The following TBC1D32 variants were observed in gnomAD, a reference collection of about 807,000 sequenced individuals.
TBC1D32 encodes the protein TBC1 domain family member 32, also known as protein broad-minded.
Under a neutral mutation model 170.3 loss-of-function variants are expected in TBC1D32, and 151 were observed. That is an observed-to-expected ratio of 0.89 (90% CI 0.78 to 1.01). The LOEUF is 1.01. TBC1D32 is among the 50% of genes least tolerant of loss of function. The probability of loss-of-function intolerance (pLI) is 0.00; values close to 1 mark genes in which losing one functional copy is unlikely to be tolerated. For synonymous variants in TBC1D32, 498 were observed against 488.0 expected, an observed-to-expected ratio of 1.02 and a Z score of -0.27; for missense variants, 1,464 against 1,457.1, an observed-to-expected ratio of 1.00 and a Z score of -0.08.
intron 26 of TBC1D32, among the ~76,000 whole-genome samples, chr6:121,121,914 G>C (rs114529716): frequency 1.4e-3 from 206 of 152,142 alleles, no homozygotes; most frequent in African/African-American, 4.7e-3. Context: ...TGATGGCTTA[G>C]TAATTTGTAT....
At chr6:121,113,807 T>C (rs9490121) in intron 27 of TBC1D32, among the ~76,000 whole-genome samples, 11,144 of 152,264 alleles carry the variant, frequency 0.073, 442 homozygotes, top group South Asian at 0.15. Flanking sequence ...CAAGCAAAGG[T>C]AGTGCTTTTG....
At position 121,310,781 on chromosome 6, in the gene TBC1D32, C is replaced by T. The variant is rs573022154; in HGVS notation, c.562G>A (p.Glu188Lys). The T allele has an allele frequency of 1.9e-6, 3 of 1,552,048 alleles. No individual in the cohort carries two copies. The highest frequency in any genetic ancestry group is 1.8e-6 in the Non-Finnish European group (2 of 1,141,634). Reference protein sequence around the residue: ...LDQLDPGQPKEVRYEALQTLC... With the variant: ...LDQLDPGQPKKVRYEALQTLC... The stretch of plus-strand genomic sequence containing the variant: ...TGACAGCTATCCTTGAAACTTACCT[C>T]TTTAGGTTGCCCAGGATCCAACTGG... Residue 188 changes from glutamate (E) to lysine (K), a missense_variant and splice_region_variant, in exon 4 of 32, where the codon GAG (glutamate) becomes AAG (lysine). Physicochemically the swap from Glu to Lys is moderately conservative, Grantham distance 56. This residue lies in a region of TBC1D32 where 1,363 missense variants were observed against 1,338.1 expected (regional missense o/e 1.02). Coordinates refer to ENST00000398212, the MANE Select transcript of TBC1D32 (RefSeq NM_152730.6).
intron 15 of TBC1D32, among the ~76,000 whole-genome samples, chr6:121,267,957 T>C (rs1316089403): frequency 1.3e-5 from 2 of 152,158 alleles, no homozygotes; most frequent in Non-Finnish European, 1.5e-5. Context: ...CAATATTTGC[T>C]GTTCTGCAGC....
intron 9 of TBC1D32, among the ~76,000 whole-genome samples, chr6:121,301,166 T>C (rs1806417051): frequency 6.6e-6 from 1 of 152,096 alleles, no homozygotes; most frequent in Non-Finnish European, 1.5e-5. Context: ...GAAATACCAT[T>C]TGACCCAGCA....
At chr6:121,285,686 C>A (rs1437632452) in intron 12 of TBC1D32, among the ~76,000 whole-genome samples, 2 of 152,172 alleles carry the variant, frequency 1.3e-5, no homozygotes, top group South Asian at 2.1e-4. Context: ...TGACAGACTG[C>A]CTCCTCAAGT....
chr6:121,316,069 G>GAAACA (rs1281353148), intron 3 of TBC1D32, among the ~76,000 whole-genome samples: 1 of 151,982 alleles, frequency 6.6e-6, no homozygotes, highest in East Asian at 1.9e-4. Context: ...CTCAAGAACT[G>GAAACA]AAACAAAACA....
At chr6:121,197,873 A>C (rs1790957952) in intron 22 of TBC1D32, among the ~76,000 whole-genome samples, 1 of 152,116 alleles carries the variant, frequency 6.6e-6, no homozygotes, top group South Asian at 2.1e-4. Flanking sequence ...CATTTGAGTC[A>C]GTGAGCTGAG....
chr6:121,307,657 C>T lies in TBC1D32; in HGVS notation c.690+319G>A, dbSNP rs536431459. On this transcript the variant is annotated intron_variant, in intron 5 of 31. Coordinates refer to ENST00000398212, the MANE Select transcript of TBC1D32 (RefSeq NM_152730.6). The stretch of plus-strand genomic sequence containing the variant: ...GGCGGATCACCTGAGGTCAGGAGTT[C>T]GAGACCAGCCCGGCCAACATGGTCA... Among the ~76,000 whole-genome samples, 33 of 152,162 alleles carry T rather than the reference C, an allele frequency of 2.2e-4. 2 individuals carry two copies. The South Asian group carries it at 6.0e-3, about 28-fold the overall frequency.
chr6:121,139,510 A>T (rs1209736674), intron 24 of TBC1D32, among the ~76,000 whole-genome samples: 2 of 152,228 alleles, frequency 1.3e-5, no homozygotes, highest in African/African-American at 4.8e-5. Flanking sequence ...GGCAGAAAGT[A>T]TCAGCAAGAA....
intron 27 of TBC1D32, among the ~76,000 whole-genome samples, chr6:121,113,591 T>C (rs1779411766): frequency 6.6e-6 from 1 of 152,144 alleles, no homozygotes. Flanking sequence ...CTATTTTTGA[T>C]TGTCATAGTG....
intron 1 of TBC1D32, among the ~76,000 whole-genome samples, chr6:121,330,937 G>T (rs1811137588): frequency 6.6e-6 from 1 of 152,172 alleles, no homozygotes. Flanking sequence ...AAAGGCAGGA[G>T]AGCTTGGATC....
At chr6:121,179,313 T>C (rs1562790230) in intron 22 of TBC1D32, among the ~76,000 whole-genome samples, 1 of 150,680 alleles carries the variant, frequency 6.6e-6, no homozygotes, top group Non-Finnish European at 1.5e-5. Flanking sequence ...TGTGTGTGTG[T>C]GCATGTGTGT....
chr6:121,085,321 A>G (rs1776123861), intron 31 of TBC1D32, among the ~76,000 whole-genome samples: 1 of 96,560 alleles, frequency 1.0e-5, no homozygotes, highest in Non-Finnish European at 1.9e-5. Flanking sequence ...ATATATACAC[A>G]TATATATATA....
At chr6:121,321,152 G>T (rs1387584110) in intron 2 of TBC1D32, among the ~76,000 whole-genome samples, 1 of 152,148 alleles carries the variant, frequency 6.6e-6, no homozygotes, top group African/African-American at 2.4e-5. Flanking sequence ...GTTTGGTGAT[G>T]TTTCTTTGAC....
At chr6:121,126,213 C>T (rs186671124) in intron 26 of TBC1D32, among the ~76,000 whole-genome samples, 165 bp downstream of exon 26, 2 of 152,222 alleles carry the variant, frequency 1.3e-5, no homozygotes, top group Admixed American at 1.3e-4. Context: ...GAAACCTAGA[C>T]ATTTACAAAG....
chr6:121,106,371 A>G (rs1298865694), intron 29 of TBC1D32, among the ~76,000 whole-genome samples: 1 of 151,988 alleles, frequency 6.6e-6, no homozygotes. Flanking sequence ...AATTTTGATA[A>G]AGGCAGTGTT....
intron 27 of TBC1D32, among the ~76,000 whole-genome samples, chr6:121,113,457 T>G (rs886663190): frequency 2.6e-5 from 4 of 152,166 alleles, no homozygotes; most frequent in Admixed American, 6.5e-5. Context: ...ATCTAAAACA[T>G]GGAATGTTGA....
intron 1 of TBC1D32, among the ~76,000 whole-genome samples, chr6:121,326,880 G>A (rs910746091): frequency 6.6e-6 from 1 of 152,054 alleles, no homozygotes; most frequent in East Asian, 1.9e-4. Flanking sequence ...GAAACTTTCA[G>A]AGCCTCCAAT....
At chr6:121,211,030 G>A (rs1338901946) in intron 21 of TBC1D32, among the ~76,000 whole-genome samples, 1 of 152,086 alleles carries the variant, frequency 6.6e-6, no homozygotes, top group Admixed American at 6.5e-5. Context: ...ATAAGCCAAG[G>A]CTATTAATTT....
Sources: gnomAD v4.1 joint callset for allele counts (sites outside exome capture counted in the v4.1 genomes callset) on GRCh38, gnomAD v4.1.1 for gene constraint, gnomAD v4.1.1 regional missense constraint, MANE v1.5 for transcripts, NCBI Gene and HGNC (gene_info 2026-07-23, HGNC 2026-07-21) for gene names.